Variants in CDK8 observed in about 807,000 individuals in gnomAD.
CDK8 encodes the protein cyclin-dependent kinase 8.
Under a neutral mutation model 71.5 loss-of-function variants are expected in CDK8, and 29 were observed. That is an observed-to-expected ratio of 0.41 (90% CI 0.30 to 0.55). CDK8 has a LOEUF of 0.55. Among genes scored for constraint, CDK8 ranks in the 20% least tolerant of loss-of-function variants. The pLI, the probability that CDK8 is intolerant of heterozygous loss-of-function variation, is 0.37. For missense variants in CDK8, 288 were observed against 572.6 expected (o/e 0.50, Z 5.07); for synonymous variants, 161 against 192.1 (o/e 0.84, Z 1.34).
chr13:26,390,089 C>A (rs970430419), intron 6 of CDK8, among the ~76,000 whole-genome samples: 1 of 152,154 alleles, frequency 6.6e-6, no homozygotes, highest in South Asian at 2.1e-4. Flanking sequence ...CCCATTCCTC[C>A]TGTCTCCTGC....
chr13:26,319,394 G>A lies in CDK8; in HGVS notation c.129-18173G>A, dbSNP rs564992330. ...TGAGGCAGGAGAATTGCTTGAACTC[G>A]GGAGGCGGAGGTTGCAGTGAGCCAA... On this transcript the variant is annotated intron_variant, in intron 1 of 12. Transcript: ENST00000381527. 1.7e-4 allele frequency among the ~76,000 whole-genome samples: 26 copies of A among 151,846 alleles called. No individual in the cohort carries two copies. The East Asian group carries it at 1.9e-3, about 11-fold the overall frequency.
intron 4 of CDK8, among the ~76,000 whole-genome samples, chr13:26,358,151 T>C (rs1214239237): frequency 1.3e-5 from 2 of 151,892 alleles, no homozygotes; most frequent in African/African-American, 2.4e-5. Context: ...ACAAAAAAAT[T>C]AGCTGGGCAT....
chr13:26,363,190 C>CG (rs1874227483), intron 4 of CDK8, among the ~76,000 whole-genome samples: 1 of 149,948 alleles, frequency 6.7e-6, no homozygotes, highest in Non-Finnish European at 1.5e-5. Flanking sequence ...TAGCCAGGTG[C>CG]GGTGACAGGA....
At chr13:26,272,619 C>T (rs769400403) in intron 1 of CDK8, among the ~76,000 whole-genome samples, 4 of 152,166 alleles carry the variant, frequency 2.6e-5, no homozygotes, top group Non-Finnish European at 4.4e-5. Context: ...GAAGTACACT[C>T]TTAATGATAA....
chr13:26,326,319 A>G (rs1215354360), intron 1 of CDK8, among the ~76,000 whole-genome samples: 2 of 152,206 alleles, frequency 1.3e-5, no homozygotes, highest in African/African-American at 2.4e-5. Context: ...TACCCTGACA[A>G]TAGACTCATA....
intron 1 of CDK8, among the ~76,000 whole-genome samples, chr13:26,310,574 A>T (rs770024098): frequency 2.6e-5 from 4 of 152,136 alleles, no homozygotes; most frequent in Non-Finnish European, 4.4e-5. Context: ...ACAGTTCACA[A>T]TAGGGTCCGT....
At chr13:26,346,328 G>A (rs983127889) in intron 2 of CDK8, among the ~76,000 whole-genome samples, 4 of 152,196 alleles carry the variant, frequency 2.6e-5, no homozygotes, top group Non-Finnish European at 5.9e-5. Flanking sequence ...GAATACAGGA[G>A]TGAAGTGAAA....
chr13:26,327,963 C>CTTTT (rs35077180), intron 1 of CDK8, among the ~76,000 whole-genome samples: 3 of 143,760 alleles, frequency 2.1e-5, no homozygotes, highest in Non-Finnish European at 3.0e-5. Flanking sequence ...TAAGAGCTGT[C>CTTTT]TTTTTTTTTT....
intron 1 of CDK8, among the ~76,000 whole-genome samples, chr13:26,281,596 C>T (rs899112638): frequency 3.3e-5 from 5 of 152,112 alleles, no homozygotes; most frequent in African/African-American, 1.2e-4. Flanking sequence ...ATAACATCCC[C>T]AAAAGACCAC....
At chr13:26,288,460 G>A (rs1566472998) in intron 1 of CDK8, among the ~76,000 whole-genome samples, 2 of 151,686 alleles carry the variant, frequency 1.3e-5, no homozygotes, top group Non-Finnish European at 2.9e-5. Context: ...CTATAGCCTT[G>A]TAATAATTCT....
intron 1 of CDK8, among the ~76,000 whole-genome samples, chr13:26,325,570 A>C (rs74042609): frequency 0.058 from 8,804 of 152,196 alleles, 854 homozygotes; most frequent in African/African-American, 0.2. Context: ...AGTTCTTTAT[A>C]GGGATTTGGC....
chr13:26,401,390 G>A lies in CDK8; in HGVS notation c.1110+43G>A. On this transcript the variant is annotated intron_variant, in intron 11 of 12. Transcript: ENST00000381527. The surrounding 1 kb of genome is among the most constrained non-coding windows in gnomAD (Gnocchi z 4.5). ...GTTAGCAGCTTCTTGTTTCGTGAAT[G>A]CCTCCATAACATTTTCCATTGTGGG... 3 of 1,610,260 alleles carry A rather than the reference G, an allele frequency of 1.9e-6. No homozygotes were observed. The highest frequency in any genetic ancestry group is 2.5e-6 in the Non-Finnish European group (3 of 1,176,634).
At chr13:26,307,637 A>G (rs1460416791) in intron 1 of CDK8, among the ~76,000 whole-genome samples, 2 of 152,234 alleles carry the variant, frequency 1.3e-5, no homozygotes, top group Non-Finnish European at 2.9e-5. Context: ...CATTTGTTAT[A>G]GCAGCAGTAG....
At chr13:26,317,134 C>T (rs1233382442) in intron 1 of CDK8, among the ~76,000 whole-genome samples, 1 of 152,066 alleles carries the variant, frequency 6.6e-6, no homozygotes, top group Non-Finnish European at 1.5e-5. Context: ...GACCAACGTA[C>T]GCATTGTGGG....
chr13:26,281,366 G>C (rs759101743), intron 1 of CDK8, among the ~76,000 whole-genome samples: 18 of 152,178 alleles, frequency 1.2e-4, no homozygotes, highest in Admixed American at 6.5e-5. Flanking sequence ...CCACGGGGTG[G>C]TTAGGCCCAG....
intron 2 of CDK8, 25 bp downstream of exon 2, chr13:26,337,667 GTTA>G: frequency 8.5e-7 from 1 of 1,177,598 alleles, no homozygotes; most frequent in Non-Finnish European, 1.2e-6. Context: ...TTTTATCATC[GTTA>G]TTATCAACTG....
intron 4 of CDK8, among the ~76,000 whole-genome samples, chr13:26,373,252 T>A (rs904397950): frequency 5.3e-5 from 8 of 152,198 alleles, no homozygotes; most frequent in South Asian, 4.1e-4. Context: ...GGGTTTTTTT[T>A]ACATATATTT....
In CDK8 at chr13:26,274,946, A is replaced by C. The variant is rs557919764; in HGVS notation, c.128+20177A>C. On this transcript the variant is annotated intron_variant, in intron 1 of 12. Transcript: ENST00000381527. ...TAATGTTTTTATGGGTTTCAAAATT[A>C]CAGTTAAAATTTTATTTAATCTTAA... is the stretch of plus-strand genomic sequence containing the variant. 2.0e-5 allele frequency among the ~76,000 whole-genome samples: 3 copies of C among 152,324 alleles called. No homozygotes were observed. The East Asian group carries it at 5.8e-4, about 29-fold the overall frequency.
At chr13:26,370,283 G>A (rs757630267) in intron 4 of CDK8, among the ~76,000 whole-genome samples, 10 of 152,124 alleles carry the variant, frequency 6.6e-5, no homozygotes, top group Non-Finnish European at 1.3e-4. Flanking sequence ...AATAAGATCC[G>A]GGTGAACTTA....
Sources: gnomAD v4.1 joint callset for allele counts (sites outside exome capture counted in the v4.1 genomes callset) on GRCh38, gnomAD v4.1.1 for gene constraint, Gnocchi (gnomAD v3.1) non-coding constraint, MANE v1.5 for transcripts, NCBI Gene and HGNC (gene_info 2026-07-23, HGNC 2026-07-21) for gene names.